PREP: variants seen among roughly 807,000 people sequenced by gnomAD.
The protein encoded by PREP is prolyl endopeptidase.
Under a neutral mutation model 87.6 loss-of-function variants are expected in PREP, and 29 were observed. The ratio of observed to expected loss-of-function variants is 0.33; its 90% confidence interval spans 0.25 to 0.45. The LOEUF (loss-of-function observed/expected upper bound fraction) is 0.45, where lower values mean the gene tolerates loss of function less well. Ranked by LOEUF, PREP falls within the 20% of genes least tolerant of loss-of-function variation. The pLI, the probability that PREP is intolerant of heterozygous loss-of-function variation, is 1.00. For missense variants in PREP, 695 were observed against 886.5 expected (o/e 0.78, Z 2.74); for synonymous variants, 337 against 328.6 (o/e 1.03, Z -0.28).
At chr6:105,379,076 G>C (rs1189012049) in intron 2 of PREP, among the ~76,000 whole-genome samples, 2 of 152,148 alleles carry the variant, frequency 1.3e-5, no homozygotes, top group African/African-American at 2.4e-5. Flanking sequence ...TTTTGCAAGA[G>C]GACCAGTTCA....
intron 7 of PREP, among the ~76,000 whole-genome samples, chr6:105,348,214 C>T (rs1771848877): frequency 6.6e-6 from 1 of 152,070 alleles, no homozygotes; most frequent in Admixed American, 6.5e-5. Flanking sequence ...AAAAAAGAAC[C>T]CATCATTCTC....
At chr6:105,390,042 T>C (rs1475268269) in intron 2 of PREP, among the ~76,000 whole-genome samples, 1 of 152,188 alleles carries the variant, frequency 6.6e-6, no homozygotes, top group Non-Finnish European at 1.5e-5. Context: ...AGGATTTAAA[T>C]ATCCTAGAGA....
intron 2 of PREP, 136 bp from the exon 3 acceptor site, chr6:105,377,655 T>G (rs1029277827): frequency 3.4e-6 from 3 of 884,438 alleles, no homozygotes; most frequent in Non-Finnish European, 5.3e-6. Flanking sequence ...CCAGCCTCTC[T>G]CACCTCCTTA....
At chr6:105,355,721 T>C (rs2114687625) in intron 6 of PREP, among the ~76,000 whole-genome samples, 1 of 152,342 alleles carries the variant, frequency 6.6e-6, no homozygotes, top group Non-Finnish European at 1.5e-5. Flanking sequence ...TTCAAATACA[T>C]ACTGTTACAT....
intron 12 of PREP, among the ~76,000 whole-genome samples, chr6:105,283,509 T>C (rs530370146): frequency 6.6e-6 from 1 of 152,360 alleles, no homozygotes; most frequent in South Asian, 2.1e-4. Flanking sequence ...GAAATGTTTT[T>C]CATATCAAAA....
rs748000506 is a variant in PREP at position 105,369,023 on chromosome 6, G to C, written c.597C>G (p.Gly199=). The change falls in exon 6 of 15, where the codon GGC becomes GGG. Residue 199 remains glycine, a splice_region_variant and synonymous_variant. Coordinates refer to ENST00000652536, the MANE Select transcript of PREP (RefSeq NM_002726.5). The part of the protein sequence containing the change: ...SYPQQDGKSD[G]TETSTNLHQK... ...GGTGGAGATTGGTAGATGTCTCTGT[G>C]CCTGAAGGAGTTAAAAATGTACACT... 6.2e-7 allele frequency: 1 copy of C among 1,613,726 alleles called. No homozygotes were observed. Among genetic ancestry groups the C allele is most frequent in the South Asian group, 1.1e-5 (1 of 91,048 alleles).
chr6:105,350,164 C>T (rs1771908796), intron 7 of PREP, among the ~76,000 whole-genome samples: 1 of 151,888 alleles, frequency 6.6e-6, no homozygotes, highest in Admixed American at 6.6e-5. Context: ...TCTAAGCTAC[C>T]TAAAACTAAA....
intron 5 of PREP, among the ~76,000 whole-genome samples, chr6:105,372,208 G>T (rs6906696): frequency 5.6e-5 from 8 of 143,422 alleles, no homozygotes; most frequent in African/African-American, 1.8e-4. Flanking sequence ...AATTGTGGGG[G>T]AAAAAAAAAA....
intron 6 of PREP, among the ~76,000 whole-genome samples, chr6:105,359,448 T>C (rs554535189): frequency 6.2e-4 from 94 of 152,310 alleles, no homozygotes; most frequent in Non-Finnish European, 1.2e-3. Flanking sequence ...TTTCTTGAAA[T>C]TGTCCATGCT....
rs151017784 is a variant in PREP, at chr6:105,287,561, A to G, written c.1454+1197T>C. ...CAGGCATCATATTTCATACTTCATT[A>G]AATCTAAAATAATGAGCTTCTACAG... On this transcript the variant is annotated intron_variant, in intron 11 of 14. Coordinates refer to ENST00000652536, the MANE Select transcript of PREP (RefSeq NM_002726.5). Among the ~76,000 whole-genome samples, 9 of 152,374 alleles carry G rather than the reference A, an allele frequency of 5.9e-5. No homozygotes were observed. In the East Asian group the frequency reaches 1.7e-3, roughly 29 times the overall value.
At chr6:105,329,367 G>A (rs944866960) in intron 8 of PREP, among the ~76,000 whole-genome samples, 2 of 152,048 alleles carry the variant, frequency 1.3e-5, no homozygotes, top group African/African-American at 4.8e-5. Context: ...AGGCCAAACT[G>A]GTCTTGAACT....
intron 6 of PREP, among the ~76,000 whole-genome samples, chr6:105,365,927 G>C (rs543370507): frequency 6.6e-6 from 1 of 150,928 alleles, no homozygotes; most frequent in South Asian, 2.1e-4. Context: ...GTGCAGTAGA[G>C]ATGCATCCCT....
chr6:105,345,374 T>A (rs1771769225), intron 7 of PREP, among the ~76,000 whole-genome samples: 1 of 152,232 alleles, frequency 6.6e-6, no homozygotes, highest in South Asian at 2.1e-4. Flanking sequence ...ATGTTAAAAT[T>A]ACTTTTTATA....
chr6:105,402,920 A>T lies in PREP; in HGVS notation c.-29T>A. ...CGGGGACAGGCAGGGGGCAGCGTGG[A>T]GGGGCGCGGGCTCCGGGAGCGGACC... On this transcript the variant is annotated 5_prime_UTR_variant, in exon 1 of 15. Transcript: ENST00000652536. 7.2e-7 allele frequency: 1 copy of T among 1,380,008 alleles called. No homozygotes were observed. Among genetic ancestry groups the T allele is most frequent in the Non-Finnish European group, 9.8e-7 (1 of 1,021,510 alleles). The allele number at this position is 1,380,008 out of a possible 1,614,324, so 85.5% of individuals were successfully genotyped here. A position where few individuals can be genotyped will look rare whatever the true frequency, so the allele number is the denominator to read the frequency against.
chr6:105,280,616 G>A (rs992031678), intron 14 of PREP: 4 of 150,482 alleles, frequency 2.7e-5, no homozygotes, highest in African/African-American at 9.8e-5. Context: ...TTTTTTTTGA[G>A]ACAGGGTCTT....
chr6:105,284,134 A>ATGAT (rs1162603531), intron 12 of PREP, among the ~76,000 whole-genome samples: 2 of 152,218 alleles, frequency 1.3e-5, no homozygotes, highest in African/African-American at 4.8e-5. Flanking sequence ...GTTTCACAGT[A>ATGAT]TGATTTTAGT....
chr6:105,359,426 G>C (rs1258767530), intron 6 of PREP, among the ~76,000 whole-genome samples: 1 of 152,204 alleles, frequency 6.6e-6, no homozygotes, highest in Non-Finnish European at 1.5e-5. Flanking sequence ...TAAAGAAGTA[G>C]AATTCCCCTA....
At chr6:105,317,725 T>G (rs974054663) in intron 10 of PREP, among the ~76,000 whole-genome samples, 1 of 152,110 alleles carries the variant, frequency 6.6e-6, no homozygotes, top group Non-Finnish European at 1.5e-5. Flanking sequence ...GATGCTGACT[T>G]AGCAGAGAAT....
At chr6:105,392,343 T>C (rs1016940320) in intron 2 of PREP, among the ~76,000 whole-genome samples, 2 of 151,980 alleles carry the variant, frequency 1.3e-5, no homozygotes, top group South Asian at 4.1e-4. Context: ...TGGTCTCAAA[T>C]CATTTTTAGG....
Sources: allele counts gnomAD v4.1 joint callset (sites outside exome capture counted in the v4.1 genomes callset), GRCh38; gene constraint gnomAD v4.1.1; transcripts MANE v1.5; gene names NCBI Gene and HGNC (gene_info 2026-07-23, HGNC 2026-07-21).